The following IPO11 variants were observed in gnomAD, a reference collection of about 807,000 sequenced individuals.
IPO11 encodes importin 11, also known as importin-11.
A neutral mutation model predicts 143.2 loss-of-function variants in IPO11; 66 were observed. The observed-to-expected ratio is 0.46, with a 90% confidence interval of 0.38 to 0.57. The LOEUF is 0.57. Among genes scored for constraint, IPO11 ranks in the 20% least tolerant of loss-of-function variants. The probability of loss-of-function intolerance (pLI) is 0.00; values close to 1 mark genes in which losing one functional copy is unlikely to be tolerated. For synonymous variants in IPO11, 385 were observed against 377.8 expected (o/e 1.02, Z -0.22); for missense variants, 1,026 against 1,141.0 (o/e 0.90, Z 1.45).
chr5:62,449,790 A>G, intron 3 of IPO11, 137 bp from the exon 4 acceptor site: 1 of 534,166 alleles, frequency 1.9e-6, no homozygotes, highest in Non-Finnish European at 3.3e-6. Flanking sequence ...AGTAATGGAA[A>G]TAATCCTTTT....
At chr5:62,547,705 T>TA (rs1288859457) in intron 24 of IPO11, among the ~76,000 whole-genome samples, 2 of 152,116 alleles carry the variant, frequency 1.3e-5, no homozygotes, top group Non-Finnish European at 2.9e-5. Flanking sequence ...ATTTAATCCT[T>TA]ACATTAATTC....
At chr5:62,539,388 T>C (rs189081866) in intron 24 of IPO11, among the ~76,000 whole-genome samples, 2,708 of 152,308 alleles carry the variant, frequency 0.018, 76 homozygotes, top group African/African-American at 0.06. Context: ...TTGTTTTTGT[T>C]GTTGCAGGGA....
rs376825469 is a variant in IPO11, at chr5:62,471,135, C to CTTT, written c.708+839_708+841dup. ...GGCCGTGCTTGGCCTAGTTGCATTT[C>CTTT]TTTTTTTTTTTTTTAAAATAAATGA... On this transcript the variant is annotated intron_variant, in intron 7 of 29. Transcript: ENST00000325324. 2.9e-5 allele frequency among the ~76,000 whole-genome samples: 4 copies of CTTT among 137,842 alleles called. No individual in the cohort carries two copies. In the East Asian group the frequency reaches 6.3e-4, roughly 22 times the overall value. 90.4% of individuals were successfully genotyped at this position (137,842 alleles called of 152,430 possible). A position where few individuals can be genotyped will look rare whatever the true frequency, so the allele number is the denominator to read the frequency against.
chr5:62,579,802 C>T lies in IPO11; in HGVS notation c.2583-11775C>T, dbSNP rs771118373. ...ATTTCTAAATAATAATTTCATCAAA[C>T]GCTTAGATCCTGGAATATTTAAGGG... On this transcript the variant is annotated intron_variant, in intron 27 of 29. Transcript: ENST00000325324. The T allele has an allele frequency of 5.1e-5, 78 of 1,543,994 alleles. 1 individual carries two copies. The highest frequency in any genetic ancestry group is 3.6e-4 in the Admixed American group (18 of 50,490).
At chr5:62,573,760 C>T (rs1223218784) in intron 27 of IPO11, among the ~76,000 whole-genome samples, 23 of 152,164 alleles carry the variant, frequency 1.5e-4, no homozygotes, top group Admixed American at 1.5e-3. Flanking sequence ...ATTTTTCACA[C>T]AGTGGTCAAT....
In IPO11 at chr5:62,487,767, C is replaced by A; in HGVS notation, c.1219-4C>A. The A allele has an allele frequency of 6.4e-7, 1 of 1,566,682 alleles. No individual in the cohort carries two copies. The highest frequency in any genetic ancestry group is 8.6e-7 in the Non-Finnish European group (1 of 1,157,522). On this transcript the variant is annotated splice_region_variant and splice_polypyrimidine_tract_variant and intron_variant, in intron 12 of 29. Coordinates refer to ENST00000325324, the MANE Select transcript of IPO11 (RefSeq NM_016338.5). The stretch of plus-strand genomic sequence containing the variant: ...ATGAGAAATTTGTATTTTTCCCTCT[C>A]CAGCCATGCACTGAAGTATTATTTA...
At chr5:62,532,823 A>C (rs898283609) in intron 22 of IPO11, among the ~76,000 whole-genome samples, 1 of 152,214 alleles carries the variant, frequency 6.6e-6, no homozygotes, top group South Asian at 2.1e-4. Flanking sequence ...CATTACTCCC[A>C]TTTAAAAATT....
chr5:62,443,135 G>A (rs1264038692), intron 3 of IPO11, 52 bp downstream of exon 3: 1 of 1,179,930 alleles, frequency 8.5e-7, no homozygotes, highest in Non-Finnish European at 1.2e-6. Context: ...CCCAAATTCA[G>A]GAAGGTGTAA....
intron 16 of IPO11, among the ~76,000 whole-genome samples, chr5:62,504,105 A>G (rs1460107151): frequency 6.6e-6 from 1 of 152,248 alleles, no homozygotes; most frequent in African/African-American, 2.4e-5. Context: ...ACATGCTGGT[A>G]CACATGGAAA....
At chr5:62,443,951 C>T (rs766463256) in intron 3 of IPO11, among the ~76,000 whole-genome samples, 63 of 152,132 alleles carry the variant, frequency 4.1e-4, no homozygotes, top group Non-Finnish European at 9.0e-4. Context: ...TCTCTAAATT[C>T]TTAAAAGCCG....
intron 27 of IPO11, among the ~76,000 whole-genome samples, chr5:62,572,542 TTTGTTTATTTATTTATTTA>T (rs1482528148): frequency 5.3e-5 from 2 of 37,478 alleles, no homozygotes; most frequent in Non-Finnish European, 1.2e-4. Flanking sequence ...TGTATATTTG[TTTGTTTATTTATTTATTTA>T]TTTATTTATT....
chr5:62,568,574 C>CA (rs66748975), intron 27 of IPO11, among the ~76,000 whole-genome samples: 920 of 51,590 alleles, frequency 0.018, 26 homozygotes, highest in Middle Eastern at 0.12. Context: ...ACTCTGTCTC[C>CA]AAAAAAAAAA....
At chr5:62,505,781 A>AAC (rs924070513) in intron 18 of IPO11, among the ~76,000 whole-genome samples, 1 of 152,074 alleles carries the variant, frequency 6.6e-6, no homozygotes, top group Non-Finnish European at 1.5e-5. Flanking sequence ...ATTTCCATGC[A>AAC]ATATATATTA....
chr5:62,604,669 G>A (rs939676118), intron 29 of IPO11, among the ~76,000 whole-genome samples: 1 of 151,874 alleles, frequency 6.6e-6, no homozygotes, highest in Non-Finnish European at 1.5e-5. Context: ...ATTTTTTTAA[G>A]TGGCCGATTT....
Position 62,463,430 on chromosome 5 carries a change from G to T in IPO11, c.517-3701G>T, listed in dbSNP as rs929606043. On this transcript the variant is annotated intron_variant, in intron 5 of 29. Coordinates refer to ENST00000325324, the MANE Select transcript of IPO11 (RefSeq NM_016338.5). Reference sequence around the variant, plus strand: ...TGTAATCCCAGCACTTTGGGAGGCTGAGGCAGGAGGATCACTTGAGCCCAG... The same window carrying T: ...TGTAATCCCAGCACTTTGGGAGGCTTAGGCAGGAGGATCACTTGAGCCCAG... Among the ~76,000 whole-genome samples the T allele has an allele frequency of 2.0e-5, 3 of 152,008 alleles. No homozygotes were observed. The East Asian group carries it at 5.9e-4, about 30-fold the overall frequency.
intron 1 of IPO11, among the ~76,000 whole-genome samples, chr5:62,435,756 T>C (rs1291274091): frequency 6.7e-6 from 1 of 149,390 alleles, no homozygotes; most frequent in Non-Finnish European, 1.5e-5. Flanking sequence ...TGGCCGGGCA[T>C]GGTGGCTCAT....
In IPO11 at chr5:62,494,138, G is replaced by A. The variant is rs757801509; in HGVS notation, c.1590+14G>A. ...CAAGATTTAGTGGTATGTTTCTTAA[G>A]TGCCTTAAAAGAGTTAGTTTTTAAA... On this transcript the variant is annotated intron_variant, in intron 16 of 29. Transcript: ENST00000325324. 1 of 1,603,858 alleles carries A rather than the reference G, an allele frequency of 6.2e-7. No individual in the cohort carries two copies. Among genetic ancestry groups the A allele is most frequent in the Non-Finnish European group, 8.5e-7 (1 of 1,175,020 alleles).
chr5:62,474,316 T>G (rs1228544506), intron 7 of IPO11, 100 bp from the exon 8 acceptor site: 14 of 689,402 alleles, frequency 2.0e-5, no homozygotes, highest in Non-Finnish European at 3.3e-5. Context: ...GCTAATTTTT[T>G]TAAGTGATGT....
chr5:62,452,723 G>GGGGT (rs1410575066), intron 5 of IPO11, among the ~76,000 whole-genome samples: 5 of 135,334 alleles, frequency 3.7e-5, no homozygotes, highest in Non-Finnish European at 6.1e-5. Flanking sequence ...TTTTTGGTGG[G>GGGGT]GTGTGTGTGT....
Sources: allele counts gnomAD v4.1 joint callset (sites outside exome capture counted in the v4.1 genomes callset), GRCh38; gene constraint gnomAD v4.1.1; transcripts MANE v1.5; gene names NCBI Gene and HGNC (gene_info 2026-07-23, HGNC 2026-07-21).